The following CROT variants were observed in gnomAD, a reference collection of about 807,000 sequenced individuals.
CROT encodes carnitine O-octanoyltransferase.
Under a neutral mutation model 89.2 loss-of-function variants are expected in CROT, and 84 were observed. The ratio of observed to expected loss-of-function variants is 0.94; its 90% CI spans 0.79 to 1.13. The LOEUF (loss-of-function observed/expected upper bound fraction) is 1.13. CROT is among the 50% of genes most tolerant of loss of function. CROT has a pLI of 0.00. For synonymous variants in CROT, 212 were observed against 239.5 expected (o/e 0.89, Z 1.06); for missense variants, 711 against 727.8 (o/e 0.98, Z 0.27).
In CROT at chr7:87,391,580, T is replaced by C. The variant is rs757890926; in HGVS notation, c.1302-9T>C. ...TCTTATGATACACTCTTTTAATTTT[T>C]TCTTGTAGCCCTGGTTGTTGCTATG... On this transcript the variant is annotated splice_polypyrimidine_tract_variant and intron_variant, in intron 13 of 17. Transcript: ENST00000331536. 1.3e-6 allele frequency: 2 copies of C among 1,585,048 alleles called. No homozygotes were observed. Among genetic ancestry groups the C allele is most frequent in the South Asian group, 1.2e-5 (1 of 85,172 alleles).
intron 2 of CROT, among the ~76,000 whole-genome samples, chr7:87,347,979 A>T (rs967737680): frequency 3.3e-5 from 5 of 152,230 alleles, no homozygotes; most frequent in African/African-American, 1.2e-4. Context: ...ACAACTCAGG[A>T]TTCTGTTAAA....
At chr7:87,373,861 C>T (rs1225821579) in intron 7 of CROT, among the ~76,000 whole-genome samples, 4 of 151,994 alleles carry the variant, frequency 2.6e-5, no homozygotes, top group Non-Finnish European at 5.9e-5. Flanking sequence ...ACTTCAGTGA[C>T]GTATGGAGAC....
intron 10 of CROT, among the ~76,000 whole-genome samples, chr7:87,380,160 T>C (rs1384585285): frequency 6.6e-6 from 1 of 152,180 alleles, no homozygotes; most frequent in African/African-American, 2.4e-5. Flanking sequence ...AAAATAAAGC[T>C]TATTTTACCC....
intron 8 of CROT, 44 bp from the exon 9 acceptor site, chr7:87,375,784 G>A (rs761748629): frequency 1.9e-6 from 3 of 1,612,410 alleles, no homozygotes; most frequent in Admixed American, 1.7e-5. Context: ...TTGATGTATT[G>A]TATTTCAGTT....
intron 9 of CROT, 49 bp downstream of exon 9, chr7:87,376,002 G>GA (rs1280279186): frequency 1.3e-6 from 2 of 1,500,380 alleles, no homozygotes; most frequent in African/African-American, 2.9e-5. Flanking sequence ...TTTTCTGGAA[G>GA]ACTCATATTT....
chr7:87,359,345 A>C lies in CROT; in HGVS notation c.240+15A>C. 1 of 1,584,354 alleles carries C rather than the reference A, an allele frequency of 6.3e-7. No individual in the cohort carries two copies. Among genetic ancestry groups the C allele is most frequent in the Non-Finnish European group, 8.6e-7 (1 of 1,162,212 alleles). Reference sequence around the variant, plus strand: ...AAAGAAATTGGGTATTTGTTGTTATAATTGAATAATGATGATGTTTAAAGA... The same window carrying C: ...AAAGAAATTGGGTATTTGTTGTTATCATTGAATAATGATGATGTTTAAAGA... On this transcript the variant is annotated intron_variant, in intron 4 of 17. Transcript: ENST00000331536.
At position 87,357,452 on chromosome 7, in the gene CROT, G is replaced by T. The variant is rs1217557960; in HGVS notation, c.116-1754G>T. The T allele has an allele frequency of 1.9e-6, 3 of 1,550,836 alleles. No homozygotes were observed. The East Asian group carries it at 7.3e-5, about 38-fold the overall frequency. ...CATTTATCAGAGGTGGCCAATTAGTGCTGTGCAGGCTGAATCTCCTCAGCA... is the reference window on the plus strand; with the variant it reads ...CATTTATCAGAGGTGGCCAATTAGTTCTGTGCAGGCTGAATCTCCTCAGCA... On this transcript the variant is annotated intron_variant, in intron 3 of 17. Coordinates refer to ENST00000331536, the MANE Select transcript of CROT (RefSeq NM_021151.4).
chr7:87,349,518 A>T (rs1371617656), intron 3 of CROT, among the ~76,000 whole-genome samples: 1 of 152,224 alleles, frequency 6.6e-6, no homozygotes, highest in African/African-American at 2.4e-5. Flanking sequence ...TGATTTAAAG[A>T]AAACAATCCT....
chr7:87,365,854 C>T (rs181854737), intron 6 of CROT, among the ~76,000 whole-genome samples: 281 of 152,204 alleles, frequency 1.8e-3, no homozygotes, highest in African/African-American at 6.5e-3. Context: ...AATCTGCCCG[C>T]CTCAGCCCCC....
chr7:87,355,891 C>T (rs1806052032), intron 3 of CROT, among the ~76,000 whole-genome samples: 2 of 152,128 alleles, frequency 1.3e-5, no homozygotes, highest in Admixed American at 1.3e-4. Flanking sequence ...AGAGCACTCA[C>T]CTATACATGA....
intron 13 of CROT, among the ~76,000 whole-genome samples, chr7:87,385,118 G>A (rs960070659): frequency 1.5e-4 from 22 of 151,382 alleles, no homozygotes; most frequent in Middle Eastern, 3.4e-3. Flanking sequence ...TTTGAAGTTT[G>A]GTAATGTGAT....
chr7:87,382,116 A>C lies in CROT; in HGVS notation c.1105A>C (p.Ile369Leu). ...AGATATACCACTTCCAGAAGAGCTC[A>C]TTTTCATTGTGGATGAGAAAGTTTT... ...VRDIPLPEEL[I>L]FIVDEKVLND... is the part of the protein sequence containing the mutation. The change falls in exon 12 of 18, where the codon ATT becomes CTT. Residue 369 changes from isoleucine to leucine, a missense_variant. Transcript: ENST00000331536. 1 of 1,613,606 alleles carries C rather than the reference A, an allele frequency of 6.2e-7. No homozygotes were observed. The highest frequency in any genetic ancestry group is 8.5e-7 in the Non-Finnish European group (1 of 1,179,690).
chr7:87,355,915 G>C (rs1806053214), intron 3 of CROT, among the ~76,000 whole-genome samples: 1 of 152,092 alleles, frequency 6.6e-6, no homozygotes, highest in Non-Finnish European at 1.5e-5. Flanking sequence ...CAAAAACTTA[G>C]GAAGCAAGAA....
At chr7:87,379,870 T>C (rs1218310741) in intron 10 of CROT, among the ~76,000 whole-genome samples, 1 of 152,126 alleles carries the variant, frequency 6.6e-6, no homozygotes, top group Non-Finnish European at 1.5e-5. Flanking sequence ...TCCCAGCACT[T>C]TGGGAGACGA....
chr7:87,352,826 A>G (rs1389784883), intron 3 of CROT, among the ~76,000 whole-genome samples: 1 of 152,272 alleles, frequency 6.6e-6, no homozygotes, highest in African/African-American at 2.4e-5. Flanking sequence ...ATTATTTAAT[A>G]TCAAGGCATA....
At chr7:87,376,386 A>G (rs1361496210) in intron 9 of CROT, among the ~76,000 whole-genome samples, 1 of 152,010 alleles carries the variant, frequency 6.6e-6, no homozygotes, top group African/African-American at 2.4e-5. Context: ...TAAGTCATTT[A>G]TTTTATCATT....
intron 6 of CROT, among the ~76,000 whole-genome samples, chr7:87,366,554 T>C (rs1329825620): frequency 1.3e-5 from 2 of 152,180 alleles, no homozygotes; most frequent in Non-Finnish European, 2.9e-5. Context: ...AGTTTATAGC[T>C]CTAGGAAACT....
rs765327773 is a variant in CROT, at chr7:87,349,198, T to C, written c.115+15T>C. 8.0e-7 allele frequency: 1 copy of C among 1,252,670 alleles called. No homozygotes were observed. The highest frequency in any genetic ancestry group is 1.1e-6 in the Non-Finnish European group (1 of 878,086). 77.6% of individuals were successfully genotyped at this position (1,252,670 alleles called of 1,614,324 possible). A position where few individuals can be genotyped will look rare whatever the true frequency, so the allele number is the denominator to read the frequency against. ...CCTTGAATCAGGTATGTTAATAATC[T>C]TTTAGTATATATTAATATTATTAGT... On this transcript the variant is annotated intron_variant, in intron 3 of 17. Transcript: ENST00000331536.
chr7:87,369,919 G>A (rs1420959080), intron 7 of CROT, among the ~76,000 whole-genome samples: 1 of 142,126 alleles, frequency 7.0e-6, no homozygotes, highest in African/African-American at 2.8e-5. Context: ...ATTTCAAAAT[G>A]TATAGGGGAT....
Sources: allele counts gnomAD v4.1 joint callset (sites outside exome capture counted in the v4.1 genomes callset), GRCh38; gene constraint gnomAD v4.1.1; transcripts MANE v1.5; gene names NCBI Gene and HGNC (gene_info 2026-07-23, HGNC 2026-07-21).